The following TEKT5 variants were observed in gnomAD, a reference collection of about 807,000 sequenced individuals.
TEKT5 encodes the protein tektin 5.
TEKT5 carries 52 observed loss-of-function variants against 48.7 expected under a neutral mutation model. That is an observed-to-expected ratio of 1.07 (90% confidence interval 0.86 to 1.35). The LOEUF is 1.35. TEKT5 is among the 40% of genes most tolerant of loss of function. The probability of loss-of-function intolerance (pLI) is 0.00; values close to 1 mark genes in which losing one functional copy is unlikely to be tolerated. For synonymous variants in TEKT5, 318 were observed against 267.6 expected (o/e 1.19, Z -1.84); for missense variants, 831 against 641.6 (o/e 1.30, Z -3.19).
intron 5 of TEKT5, among the ~76,000 whole-genome samples, chr16:10,645,609 C>T (rs1349427205): frequency 6.6e-6 from 1 of 152,140 alleles, no homozygotes; most frequent in Non-Finnish European, 1.5e-5. Context: ...TCAAAACCAG[C>T]CTGGCCAACA....
At chr16:10,656,469 C>T (rs1366444546) in intron 5 of TEKT5, among the ~76,000 whole-genome samples, 1 of 151,690 alleles carries the variant, frequency 6.6e-6, no homozygotes, top group Non-Finnish European at 1.5e-5. Context: ...CCCAGGCTGG[C>T]CTCAAACTCC....
chr16:10,650,026 C>G (rs116770300), intron 5 of TEKT5, among the ~76,000 whole-genome samples: 1 of 151,920 alleles, frequency 6.6e-6, no homozygotes, highest in Non-Finnish European at 1.5e-5. Flanking sequence ...CTTCCTCCCC[C>G]TGGTCTCCTC....
At chr16:10,645,717 G>A (rs146128776) in intron 5 of TEKT5, among the ~76,000 whole-genome samples, 1,985 of 152,134 alleles carry the variant, frequency 0.013, 47 homozygotes, top group African/African-American at 0.045. Context: ...CAGGAAAATC[G>A]CTTGAACCTG....
intron 5 of TEKT5, among the ~76,000 whole-genome samples, chr16:10,638,882 CA>C (rs1168240852): frequency 6.6e-6 from 1 of 152,130 alleles, no homozygotes; most frequent in Non-Finnish European, 1.5e-5. Flanking sequence ...TGATGTAAAA[CA>C]AAAAGTACTA....
chr16:10,641,453 C>T (rs1207007791), intron 5 of TEKT5, among the ~76,000 whole-genome samples: 2 of 152,176 alleles, frequency 1.3e-5, no homozygotes, highest in African/African-American at 4.8e-5. Flanking sequence ...TCCCAATACA[C>T]TTAGGTGATT....
At chr16:10,663,083 T>A (rs887841100) in intron 5 of TEKT5, among the ~76,000 whole-genome samples, 7 of 152,282 alleles carry the variant, frequency 4.6e-5, no homozygotes, top group African/African-American at 1.7e-4. Context: ...TGGAAAGGGT[T>A]GAGGTCAGCA....
intron 5 of TEKT5, among the ~76,000 whole-genome samples, chr16:10,651,490 C>T (rs1898154814): frequency 6.6e-6 from 1 of 152,160 alleles, no homozygotes; most frequent in African/African-American, 2.4e-5. Context: ...GGATCAATGT[C>T]TGGAGCATAG....
chr16:10,688,866 C>A (rs1431083346), intron 3 of TEKT5, among the ~76,000 whole-genome samples: 1 of 152,208 alleles, frequency 6.6e-6, no homozygotes, highest in African/African-American at 2.4e-5. Context: ...TCTGTCATCT[C>A]CCAAGGTTCA....
At chr16:10,688,981 G>T (rs1261883753) in intron 3 of TEKT5, among the ~76,000 whole-genome samples, 1 of 152,236 alleles carries the variant, frequency 6.6e-6, no homozygotes, top group African/African-American at 2.4e-5. Context: ...TGCACGGGTT[G>T]TGAGAGTCAG....
At chr16:10,655,042 G>T (rs1226274449) in intron 5 of TEKT5, among the ~76,000 whole-genome samples, 1 of 147,930 alleles carries the variant, frequency 6.8e-6, no homozygotes, top group Non-Finnish European at 1.5e-5. Context: ...TTGCTTGAAA[G>T]AATTTGTCTT....
chr16:10,652,082 C>T (rs1898168476), intron 5 of TEKT5, among the ~76,000 whole-genome samples: 2 of 152,228 alleles, frequency 1.3e-5, no homozygotes, highest in Admixed American at 6.5e-5. Context: ...CGTTCCACTA[C>T]AGCAGGGATC....
At chr16:10,676,234 T>C (rs2719712) in intron 4 of TEKT5, 53 bp from the exon 5 acceptor site, 685,543 of 1,566,992 alleles carry the variant, frequency 0.44, 160,807 homozygotes, top group East Asian at 0.81. Flanking sequence ...TCAGAATCTG[T>C]GGTTTCTCCG....
At chr16:10,675,147 C>T (rs1168842445) in intron 5 of TEKT5, among the ~76,000 whole-genome samples, 2 of 152,128 alleles carry the variant, frequency 1.3e-5, no homozygotes, top group Admixed American at 1.3e-4. Context: ...TACTGTTCTG[C>T]AAACACAAAT....
chr16:10,661,007 G>T, intron 5 of TEKT5, among the ~76,000 whole-genome samples: 1 of 152,098 alleles, frequency 6.6e-6, no homozygotes, highest in East Asian at 1.9e-4. Flanking sequence ...GCTGTGTTTT[G>T]TTTTTTCTTC....
intron 5 of TEKT5, among the ~76,000 whole-genome samples, chr16:10,666,235 G>C (rs1898454672): frequency 6.6e-6 from 1 of 152,130 alleles, no homozygotes; most frequent in African/African-American, 2.4e-5. Flanking sequence ...GTTTATAAGA[G>C]GGCAATTGGC....
intron 4 of TEKT5, among the ~76,000 whole-genome samples, chr16:10,677,370 G>A (rs1422317448): frequency 6.8e-6 from 1 of 147,356 alleles, no homozygotes; most frequent in African/African-American, 2.7e-5. Flanking sequence ...AGCACTTTGG[G>A]AGCCCGAGGC....
At position 10,627,509 on chromosome 16, in the gene TEKT5, A is replaced by T; in HGVS notation, c.*74T>A. ...AAAAAGAAAGTCGGCCCTTTCAAAC[A>T]AAATACTGTTTTACTTTGTTTCTCA... On this transcript the variant is annotated 3_prime_UTR_variant, in exon 7 of 7. Coordinates refer to ENST00000283025, the MANE Select transcript of TEKT5 (RefSeq NM_144674.2). 1 of 1,510,982 alleles carries T rather than the reference A, an allele frequency of 6.6e-7. No individual in the cohort carries two copies. The highest frequency in any genetic ancestry group is 9.1e-7 in the Non-Finnish European group (1 of 1,096,502). 93.6% of individuals were successfully genotyped at this position (1,510,982 alleles called of 1,614,324 possible). A position where few individuals can be genotyped will look rare whatever the true frequency, so the allele number is the denominator to read the frequency against.
At position 10,684,957 on chromosome 16, in the gene TEKT5, G is replaced by A. The variant is rs146225202; in HGVS notation, c.720-2821C>T. 3.0e-3 allele frequency among the ~76,000 whole-genome samples: 458 copies of A among 152,360 alleles called. 4 individuals carry two copies. Among genetic ancestry groups the A allele is most frequent in the African/African-American group, 0.01 (424 of 41,578 alleles). Reference sequence around the variant, plus strand: ...AGCCTGGTGTTGGCCACCTGAGCAGGTCAGTGGCAGAGCTTCCCCAAGGGG... The same window carrying A: ...AGCCTGGTGTTGGCCACCTGAGCAGATCAGTGGCAGAGCTTCCCCAAGGGG... On this transcript the variant is annotated intron_variant, in intron 3 of 6. Transcript: ENST00000283025.
Position 10,689,995 on chromosome 16 carries a change from T to G in TEKT5, c.595A>C (p.Lys199Gln), listed in dbSNP as rs759388297. The G allele has an allele frequency of 1.2e-6, 2 of 1,613,878 alleles. No individual in the cohort carries two copies. Among genetic ancestry groups the G allele is most frequent in the South Asian group, 2.2e-5 (2 of 91,044 alleles). ...TGGACCAAATCAATCCCAATCCTCT[T>G]CTCTCGATGGTACAGACACTCCAAG... ...VALECLYHRE[K>Q]RIGIDLVHDN... is the part of the protein sequence containing the mutation. Residue 199 changes from lysine to glutamine, a missense_variant, in exon 2 of 7, where the codon AAG becomes CAG. Physicochemically the swap from Lys to Gln is moderately conservative, Grantham distance 53. Coordinates refer to ENST00000283025, the MANE Select transcript of TEKT5 (RefSeq NM_144674.2).
Sources: allele counts gnomAD v4.1 joint callset (sites outside exome capture counted in the v4.1 genomes callset), GRCh38; gene constraint gnomAD v4.1.1; transcripts MANE v1.5; gene names NCBI Gene and HGNC (gene_info 2026-07-23, HGNC 2026-07-21).